Variants in ZNF652 observed in about 807,000 individuals in gnomAD.
ZNF652 encodes zinc finger protein 652.
Under a neutral mutation model 45.2 loss-of-function variants are expected in ZNF652, and 16 were observed. That is an observed-to-expected ratio of 0.35 (90% CI 0.24 to 0.54). The LOEUF (loss-of-function observed/expected upper bound fraction) is 0.54, where lower values mean the gene tolerates loss of function less well. ZNF652 is among the 20% of genes least tolerant of loss of function. The pLI, the probability that ZNF652 is intolerant of heterozygous loss-of-function variation, is 0.91. For missense variants in ZNF652, 614 were observed against 765.6 expected, an observed-to-expected ratio of 0.80 and a Z score of 2.34; for synonymous variants, 250 against 260.6, an observed-to-expected ratio of 0.96 and a Z score of 0.39.
Position 49,317,304 on chromosome 17 carries a change from G to C in ZNF652, c.422C>G (p.Ser141Cys). 5 of 1,612,908 alleles carry C rather than the reference G, an allele frequency of 3.1e-6. No homozygotes were observed. Among genetic ancestry groups the C allele is most frequent in the Non-Finnish European group, 3.4e-6 (4 of 1,179,990 alleles). Residue 141 changes from serine (S) to cysteine (C), a missense_variant, in exon 2 of 6, where the codon TCC becomes TGC. By Grantham distance (112) the Ser-to-Cys change is moderately radical. Around this residue, in one of 5 missense-constraint regions of ZNF652, gnomAD observed 262 missense variants for 306.3 expected, o/e 0.86. Transcript: ENST00000430262. ...TGTCTTAAGAACAGGAGTCTCTTTG[G>C]ACTGAGAAGAGACACCCTTTTCCCC... Reference protein sequence around the residue: ...SKGEKGVSSQSKETPVLKTSS... With the variant: ...SKGEKGVSSQCKETPVLKTSS...
At chr17:49,306,257 A>G (rs1428173580) in intron 5 of ZNF652, among the ~76,000 whole-genome samples, 3 of 152,350 alleles carry the variant, frequency 2.0e-5, no homozygotes, top group African/African-American at 4.8e-5. Flanking sequence ...ACTGTAATGG[A>G]AAGATGAACA....
intron 2 of ZNF652, 118 bp from the exon 3 acceptor site, chr17:49,312,963 T>C: frequency 1.0e-6 from 1 of 976,360 alleles, no homozygotes. Context: ...TCCAGATAAG[T>C]GCTATTCTTC....
At chr17:49,356,429 C>CAAAA (rs35374808) in intron 1 of ZNF652, among the ~76,000 whole-genome samples, 1,415 of 42,204 alleles carry the variant, frequency 0.034, 126 homozygotes, top group Middle Eastern at 0.043. Context: ...ACTCTGTCTG[C>CAAAA]AAAAAAAAAA....
intron 1 of ZNF652, among the ~76,000 whole-genome samples, chr17:49,320,197 T>C (rs2069871111): frequency 1.3e-5 from 2 of 152,224 alleles, no homozygotes; most frequent in Non-Finnish European, 2.9e-5. Flanking sequence ...TTCACAATTA[T>C]TTCTATCACT....
At chr17:49,311,712 C>G (rs960265969) in intron 4 of ZNF652, among the ~76,000 whole-genome samples, 2 of 152,184 alleles carry the variant, frequency 1.3e-5, no homozygotes, top group African/African-American at 4.8e-5. Flanking sequence ...TGTGTTATTT[C>G]CAAGTTAACC....
At chr17:49,342,440 G>A (rs1014529331) in intron 1 of ZNF652, among the ~76,000 whole-genome samples, 2 of 151,708 alleles carry the variant, frequency 1.3e-5, no homozygotes, top group Non-Finnish European at 2.9e-5. Context: ...ACAAACCACC[G>A]CATGTTGCAG....
chr17:49,346,334 T>C (rs1473634894), intron 1 of ZNF652, among the ~76,000 whole-genome samples: 1 of 152,220 alleles, frequency 6.6e-6, no homozygotes, highest in Non-Finnish European at 1.5e-5. Flanking sequence ...GCAGATCACC[T>C]GAGGTCAGGA....
At chr17:49,360,838 G>A (rs2070384772) in intron 1 of ZNF652, among the ~76,000 whole-genome samples, 1 of 152,104 alleles carries the variant, frequency 6.6e-6, no homozygotes, top group Non-Finnish European at 1.5e-5. Context: ...AACAAAATAG[G>A]AGAAACTTGC....
intron 1 of ZNF652, among the ~76,000 whole-genome samples, chr17:49,328,373 CT>C (rs2069989080): frequency 6.6e-6 from 1 of 152,014 alleles, no homozygotes; most frequent in South Asian, 2.1e-4. Flanking sequence ...TTTTTACCTA[CT>C]TATGCATGAT....
At chr17:49,330,299 T>C (rs1345121040) in intron 1 of ZNF652, among the ~76,000 whole-genome samples, 1 of 152,126 alleles carries the variant, frequency 6.6e-6, no homozygotes, top group African/African-American at 2.4e-5. Context: ...ACGTGGGCTA[T>C]ATTATTATTT....
chr17:49,327,978 C>T (rs1050335527), intron 1 of ZNF652, among the ~76,000 whole-genome samples: 1 of 151,312 alleles, frequency 6.6e-6, no homozygotes, highest in Non-Finnish European at 1.5e-5. Flanking sequence ...AACCAGACTG[C>T]CTGCATTAAA....
At chr17:49,305,561 G>A (rs572995495) in intron 5 of ZNF652, among the ~76,000 whole-genome samples, 17 of 152,180 alleles carry the variant, frequency 1.1e-4, no homozygotes, top group Non-Finnish European at 2.1e-4. Flanking sequence ...AACAGTATCT[G>A]GTAAAGTGCT....
intron 1 of ZNF652, among the ~76,000 whole-genome samples, chr17:49,331,874 C>A (rs2070028912): frequency 6.6e-6 from 1 of 152,186 alleles, no homozygotes; most frequent in African/African-American, 2.4e-5. Context: ...GAGGCTGAGG[C>A]AGGAGAATCG....
Position 49,317,290 on chromosome 17 carries a change from C to T in ZNF652, c.436G>A (p.Val146Ile), listed in dbSNP as rs772394365. 2 of 1,612,828 alleles carry T rather than the reference C, an allele frequency of 1.2e-6. No individual in the cohort carries two copies. Among genetic ancestry groups the T allele is most frequent in the South Asian group, 1.1e-5 (1 of 91,072 alleles). ...GVSSQSKETP[V>I]LKTSSEEEEE... ...TCCTCCTCACTGCTTGTCTTAAGAA[C>T]AGGAGTCTCTTTGGACTGAGAAGAG... The change falls in exon 2 of 6, where the codon GTT becomes ATT. Residue 146 changes from valine (V) to isoleucine (I), a missense_variant. Physicochemically the swap from Val to Ile is conservative, Grantham distance 29. Coordinates refer to ENST00000430262, the MANE Select transcript of ZNF652 (RefSeq NM_001145365.3).
chr17:49,351,513 A>C (rs976605065), intron 1 of ZNF652, among the ~76,000 whole-genome samples: 1 of 152,200 alleles, frequency 6.6e-6, no homozygotes, highest in Middle Eastern at 3.2e-3. Flanking sequence ...AAATATGACC[A>C]TATAAAAAAG....
At chr17:49,341,177 C>G (rs983315943) in intron 1 of ZNF652, among the ~76,000 whole-genome samples, 2 of 151,898 alleles carry the variant, frequency 1.3e-5, no homozygotes, top group African/African-American at 2.4e-5. Context: ...GAGATCAGGC[C>G]ACTGTACTCT....
chr17:49,303,439 C>T (rs2069582583), intron 5 of ZNF652, among the ~76,000 whole-genome samples: 1 of 151,774 alleles, frequency 6.6e-6, no homozygotes, highest in Non-Finnish European at 1.5e-5. Context: ...CAGGTTTTAC[C>T]ACATTGGTCA....
chr17:49,350,993 A>G lies in ZNF652; in HGVS notation c.-259+10916T>C, dbSNP rs1299196971. ...TACATATATATATATATATATATAT[A>G]TATATATATATATATATATATACAC... On this transcript the variant is annotated intron_variant, in intron 1 of 5. Transcript: ENST00000430262. Among the ~76,000 whole-genome samples, 181 of 21,304 alleles carry G rather than the reference A, an allele frequency of 8.5e-3. 7 individuals carry two copies. The highest frequency in any genetic ancestry group is 0.03 in the African/African-American group (167 of 5,522). 14.0% of individuals were successfully genotyped at this position (21,304 alleles called of 152,430 possible).
At chr17:49,310,282 T>C (rs958978425) in intron 5 of ZNF652, among the ~76,000 whole-genome samples, 2 of 152,324 alleles carry the variant, frequency 1.3e-5, no homozygotes, top group Non-Finnish European at 2.9e-5. Flanking sequence ...TCCACCACTC[T>C]GTAGACTAAT....
Sources: gnomAD v4.1 joint callset for allele counts (sites outside exome capture counted in the v4.1 genomes callset) on GRCh38, gnomAD v4.1.1 for gene constraint, gnomAD v4.1.1 regional missense constraint, MANE v1.5 for transcripts, NCBI Gene and HGNC (gene_info 2026-07-23, HGNC 2026-07-21) for gene names.